KANSL2: variants seen among roughly 807,000 people sequenced by gnomAD.
The protein encoded by KANSL2 is NSL complex protein NSL2.
Under a neutral mutation model 55.6 loss-of-function variants are expected in KANSL2, and 34 were observed. That is an observed-to-expected ratio of 0.61 (90% CI 0.46 to 0.81). The LOEUF is 0.81. Among genes scored for constraint, KANSL2 ranks in the 40% least tolerant of loss-of-function variants. The pLI is 0.00. For missense variants in KANSL2, 502 were observed against 609.9 expected (o/e 0.82, Z 1.86); for synonymous variants, 209 against 214.3 (o/e 0.98, Z 0.22).
rs190089183 is a variant in KANSL2 at position 48,654,164 on chromosome 12, C to T, written c.1359G>A (p.Gln453=). The T allele has an allele frequency of 6.2e-7, 1 of 1,606,638 alleles. No homozygotes were observed. The highest frequency in any genetic ancestry group is 2.2e-5 in the East Asian group (1 of 44,824). Reference sequence around the variant, plus strand: ...GGGATCTGCACCCATCTCCAGCCATCTGCATCTGGCCCTGTTAAAAGAAAT... The same window carrying T: ...GGGATCTGCACCCATCTCCAGCCATTTGCATCTGGCCCTGTTAAAAGAAAT... The part of the protein sequence containing the change: ...EDPVDILGQM[Q]MAGDGCRSQG... Residue 453 remains glutamine, a synonymous_variant, in exon 10 of 10, where the codon CAG becomes CAA. Coordinates refer to ENST00000420613, the MANE Select transcript of KANSL2 (RefSeq NM_017822.4).
intron 7 of KANSL2, among the ~76,000 whole-genome samples, chr12:48,664,968 A>T (rs890065568): frequency 6.8e-6 from 1 of 146,628 alleles, no homozygotes; most frequent in African/African-American, 2.5e-5. Flanking sequence ...CTTCAGCTTC[A>T]AACTCCTAGG....
rs56147873 is a variant in KANSL2, at chr12:48,677,784, CAAAAAAAAAAA to C, written c.545+1241_545+1251del. 4.6e-4 allele frequency among the ~76,000 whole-genome samples: 22 copies of C among 47,676 alleles called. No homozygotes were observed. In the East Asian group the frequency reaches 8.8e-3, roughly 19 times the overall value. The allele number at this position is 47,676 out of a possible 152,430, so 31.3% of individuals were successfully genotyped here. A position where few individuals can be genotyped will look rare whatever the true frequency, so the allele number is the denominator to read the frequency against. The stretch of plus-strand genomic sequence containing the variant: ...TGGGTGACAGTGCAAGACTCCATCT[CAAAAAAAAAAA>C]AAAAAAAAAAAAAAAGGAATGAATA... On this transcript the variant is annotated intron_variant, in intron 4 of 9. Coordinates refer to ENST00000420613, the MANE Select transcript of KANSL2 (RefSeq NM_017822.4).
intron 8 of KANSL2, among the ~76,000 whole-genome samples, chr12:48,657,205 AC>A (rs1939401771): frequency 6.6e-6 from 1 of 152,148 alleles, no homozygotes; most frequent in South Asian, 2.1e-4. Flanking sequence ...ACATGGTGAA[AC>A]CCAGTCTCCA....
chr12:48,656,277 G>GTTT (rs5798084), intron 8 of KANSL2, among the ~76,000 whole-genome samples: 40 of 140,708 alleles, frequency 2.8e-4, no homozygotes, highest in African/African-American at 9.3e-4. Flanking sequence ...TTTTTGTTTT[G>GTTT]TTTTTTTTTT....
chr12:48,680,136 T>C, intron 2 of KANSL2: 1 of 259,758 alleles, frequency 3.8e-6, no homozygotes, highest in Non-Finnish European at 7.5e-6. Context: ...CATAGTTCAC[T>C]GTAGCCTTAA....
intron 7 of KANSL2, among the ~76,000 whole-genome samples, chr12:48,661,569 T>G (rs1795245515): frequency 6.6e-6 from 1 of 152,226 alleles, no homozygotes; most frequent in Admixed American, 6.5e-5. Context: ...TTTCTTAAAC[T>G]GATAGTACCT....
intron 4 of KANSL2, among the ~76,000 whole-genome samples, chr12:48,672,582 C>T (rs1379273548): frequency 6.6e-6 from 1 of 151,156 alleles, no homozygotes; most frequent in Admixed American, 6.6e-5. Flanking sequence ...AGGTGTGCAC[C>T]ACCCCACTTG....
chr12:48,656,402 T>C (rs1224376809), intron 8 of KANSL2, among the ~76,000 whole-genome samples: 2 of 151,764 alleles, frequency 1.3e-5, no homozygotes, highest in African/African-American at 2.4e-5. Context: ...GCCTCCCCAG[T>C]AGCTGGGACT....
At position 48,681,436 on chromosome 12, in the gene KANSL2, G is replaced by A; in HGVS notation, c.197C>T (p.Thr66Met). 3 of 1,613,652 alleles carry A rather than the reference G, an allele frequency of 1.9e-6. No homozygotes were observed. The highest frequency in any genetic ancestry group is 1.1e-5 in the South Asian group (1 of 91,058). The change falls in exon 2 of 10, where the codon ACG (threonine) becomes ATG (methionine). Residue 66 changes from threonine (T) to methionine (M), a missense_variant. Thr to Met is a moderately conservative substitution (Grantham distance 81, BLOSUM62 -1). Transcript: ENST00000420613. ...APFKQCSYIS[T>M]KNGKRCPNAA... ...ATTGGGACATCTTTTTCCATTCTTC[G>A]TCGATATATAACTACACTGCTTGAA...
At chr12:48,671,769 A>G in intron 5 of KANSL2, 30 bp downstream of exon 5, 1 of 1,590,076 alleles carries the variant, frequency 6.3e-7, no homozygotes, top group Non-Finnish European at 8.6e-7. Flanking sequence ...TAAACCCACA[A>G]CAGCTTGTTG....
At chr12:48,656,761 A>G (rs1198132625) in intron 8 of KANSL2, 4 of 516,694 alleles carry the variant, frequency 7.7e-6, no homozygotes, top group African/African-American at 5.8e-5. Context: ...ACAGCAAACC[A>G]TTGGTCTTGA....
chr12:48,664,814 C>T (rs1241717373), intron 7 of KANSL2, among the ~76,000 whole-genome samples: 5 of 151,096 alleles, frequency 3.3e-5, no homozygotes, highest in Non-Finnish European at 7.4e-5. Flanking sequence ...GAACTCCTGA[C>T]CTCGTGATCC....
chr12:48,677,346 T>C (rs1026829909), intron 4 of KANSL2, among the ~76,000 whole-genome samples: 18 of 152,184 alleles, frequency 1.2e-4, no homozygotes, highest in South Asian at 2.1e-4. Flanking sequence ...TAGAGACTGA[T>C]CCACTCTAGA....
At chr12:48,654,207 T>C (rs1382269029) in intron 9 of KANSL2, 32 bp from the exon 10 acceptor site, 1 of 1,579,224 alleles carries the variant, frequency 6.3e-7, no homozygotes. Context: ...CTTCAGTTAG[T>C]AATTCATTCA....
intron 4 of KANSL2, among the ~76,000 whole-genome samples, chr12:48,676,020 AATT>A (rs1939814562): frequency 6.6e-6 from 1 of 152,198 alleles, no homozygotes; most frequent in African/African-American, 2.4e-5. Context: ...CATATGATAC[AATT>A]ATTATTTAAA....
chr12:48,682,193 A>AGCTGCGCTGCGCCGC lies in KANSL2; in HGVS notation c.-31_-17dup. 1.5e-6 allele frequency: 1 copy of AGCTGCGCTGCGCCGC among 684,028 alleles called. No homozygotes were observed. The highest frequency in any genetic ancestry group is 2.7e-6 in the Non-Finnish European group (1 of 375,130). 42.4% of individuals were successfully genotyped at this position (684,028 alleles called of 1,614,324 possible). A position where few individuals can be genotyped will look rare whatever the true frequency, so the allele number is the denominator to read the frequency against. On this transcript the variant is annotated 5_prime_UTR_variant, in exon 1 of 10. Coordinates refer to ENST00000420613, the MANE Select transcript of KANSL2 (RefSeq NM_017822.4). ...AAGAGCACCGCCATCTTACCTCAGGAGCTGCGCTGCGCCGCACTCTGCCGC... is the reference window on the plus strand; with the variant it reads ...AAGAGCACCGCCATCTTACCTCAGGAGCTGCGCTGCGCCGCGCTGCGCTGCGCCGCACTCTGCCGC...
chr12:48,681,337 C>G, intron 2 of KANSL2, 45 bp downstream of exon 2: 2 of 1,553,334 alleles, frequency 1.3e-6, no homozygotes, highest in East Asian at 2.3e-5. Flanking sequence ...TATCACATAC[C>G]CCCTCGCTTT....
intron 5 of KANSL2, among the ~76,000 whole-genome samples, chr12:48,670,694 A>G (rs949623426): frequency 2.0e-5 from 3 of 152,232 alleles, no homozygotes; most frequent in African/African-American, 7.2e-5. Context: ...GGCCAGGTGC[A>G]GTGGCTCATG....
At chr12:48,665,752 A>G (rs958113739) in intron 7 of KANSL2, among the ~76,000 whole-genome samples, 3 of 152,240 alleles carry the variant, frequency 2.0e-5, no homozygotes, top group African/African-American at 7.2e-5. Context: ...GCCCAATGCC[A>G]AATGTAGTCC....
Sources: gnomAD v4.1 joint callset for allele counts (sites outside exome capture counted in the v4.1 genomes callset) on GRCh38, gnomAD v4.1.1 for gene constraint, MANE v1.5 for transcripts, NCBI Gene and HGNC (gene_info 2026-07-23, HGNC 2026-07-21) for gene names.